Variants in MCHR2 observed in about 807,000 individuals in gnomAD.
The protein encoded by MCHR2 is melanin concentrating hormone receptor 2.
A neutral mutation model predicts 24.8 loss-of-function variants in MCHR2; 15 were observed. That is an observed-to-expected ratio of 0.60 (90% CI 0.40 to 0.93). The LOEUF is 0.93. MCHR2 is among the 40% of genes least tolerant of loss of function. The pLI is 0.00. For missense variants in MCHR2, 386 were observed against 408.7 expected, an observed-to-expected ratio of 0.94 and a Z score of 0.48; for synonymous variants, 151 against 147.6, an observed-to-expected ratio of 1.02 and a Z score of -0.17.
chr6:99,937,266 G>A (rs538393718), intron 4 of MCHR2, among the ~76,000 whole-genome samples: 7 of 151,918 alleles, frequency 4.6e-5, no homozygotes, highest in African/African-American at 1.7e-4. Context: ...GGTGAAAGTG[G>A]GTATACTTGT....
At chr6:99,969,926 G>A (rs1775369695) in intron 1 of MCHR2, among the ~76,000 whole-genome samples, 1 of 148,066 alleles carries the variant, frequency 6.8e-6, no homozygotes, top group Non-Finnish European at 1.5e-5. Context: ...ATTCCATGGT[G>A]TATATGTGCC....
At chr6:99,953,742 A>T (rs974078245) in intron 2 of MCHR2, among the ~76,000 whole-genome samples, 1 of 151,798 alleles carries the variant, frequency 6.6e-6, no homozygotes, top group Non-Finnish European at 1.5e-5. Context: ...TGCAATAGGT[A>T]TTTACTAATA....
At chr6:99,943,221 A>G in intron 3 of MCHR2, 78 bp from the exon 4 acceptor site, 1 of 1,149,346 alleles carries the variant, frequency 8.7e-7, no homozygotes. Context: ...TCATGATGAG[A>G]GTAAATTCTT....
intron 1 of MCHR2, among the ~76,000 whole-genome samples, chr6:99,962,154 C>T (rs1415499116): frequency 6.6e-6 from 1 of 152,120 alleles, no homozygotes; most frequent in African/African-American, 2.4e-5. Flanking sequence ...ATAAGGGTTA[C>T]TTGAACACAA....
At chr6:99,990,406 C>A in intron 1 of MCHR2, among the ~76,000 whole-genome samples, 1 of 152,102 alleles carries the variant, frequency 6.6e-6, no homozygotes, top group East Asian at 1.9e-4. Context: ...TGTGTGTATT[C>A]ATTTACCCTG....
chr6:99,957,320 A>AT (rs1170005226), intron 1 of MCHR2, among the ~76,000 whole-genome samples: 2 of 152,068 alleles, frequency 1.3e-5, no homozygotes, highest in East Asian at 3.9e-4. Flanking sequence ...TTCAGCAAGC[A>AT]TTTTTTATCA....
intron 4 of MCHR2, among the ~76,000 whole-genome samples, chr6:99,941,947 G>A (rs1171057150): frequency 6.6e-6 from 1 of 152,042 alleles, no homozygotes; most frequent in Non-Finnish European, 1.5e-5. Context: ...TTTGACAAGT[G>A]ATGGAGTAAG....
At chr6:99,960,287 G>T (rs1775156509) in intron 1 of MCHR2, among the ~76,000 whole-genome samples, 1 of 151,726 alleles carries the variant, frequency 6.6e-6, no homozygotes, top group Non-Finnish European at 1.5e-5. Flanking sequence ...GATAACAAAA[G>T]CTCTTCAAGG....
At chr6:99,978,112 C>T (rs78718248) in intron 1 of MCHR2, among the ~76,000 whole-genome samples, 247 of 152,304 alleles carry the variant, frequency 1.6e-3, no homozygotes, top group African/African-American at 5.7e-3. Context: ...ATGGGCCTCT[C>T]TGGCAGGGCC....
At chr6:99,971,030 G>A (rs535087776) in intron 1 of MCHR2, among the ~76,000 whole-genome samples, 1 of 152,162 alleles carries the variant, frequency 6.6e-6, no homozygotes, top group Non-Finnish European at 1.5e-5. Context: ...GCTTAGGATT[G>A]ACTTGGTGAT....
At chr6:99,943,362 T>C (rs1774814480) in intron 3 of MCHR2, among the ~76,000 whole-genome samples, 1 of 151,324 alleles carries the variant, frequency 6.6e-6, no homozygotes, top group African/African-American at 2.4e-5. Flanking sequence ...TACTTTAAGT[T>C]TTAGGGTACA....
At chr6:99,951,262 C>G (rs748065247) in intron 2 of MCHR2, among the ~76,000 whole-genome samples, 1 of 152,088 alleles carries the variant, frequency 6.6e-6, no homozygotes, top group Non-Finnish European at 1.5e-5. Context: ...TATCATGAGC[C>G]TATGCCAATG....
intron 1 of MCHR2, among the ~76,000 whole-genome samples, chr6:99,976,657 ACCT>A (rs1775557718): frequency 1.7e-5 from 1 of 59,506 alleles, no homozygotes; most frequent in African/African-American, 4.4e-5. Flanking sequence ...CTCCCCAGCT[ACCT>A]CATGTTTGCC....
intron 1 of MCHR2, among the ~76,000 whole-genome samples, chr6:99,993,047 G>C (rs1214462722): frequency 6.6e-6 from 1 of 152,184 alleles, no homozygotes; most frequent in East Asian, 1.9e-4. Flanking sequence ...TAAGTTCTAT[G>C]AAATTAGAAC....
At chr6:99,925,869 A>T (rs1235947656) in intron 5 of MCHR2, among the ~76,000 whole-genome samples, 4 of 150,822 alleles carry the variant, frequency 2.7e-5, no homozygotes, top group African/African-American at 7.3e-5. Context: ...GTTTTAGGGT[A>T]CATGTGCACA....
At chr6:99,923,149 T>C (rs990569748) in intron 5 of MCHR2, among the ~76,000 whole-genome samples, 4 of 152,132 alleles carry the variant, frequency 2.6e-5, no homozygotes, top group Admixed American at 2.0e-4. Context: ...TTTGTGGCTA[T>C]TATCAATGGG....
chr6:99,934,557 A>C (rs1428817876), intron 4 of MCHR2, 40 bp from the exon 5 acceptor site: 3 of 1,503,366 alleles, frequency 2.0e-6, no homozygotes, highest in Admixed American at 2.3e-5. Context: ...AGAAAGAACA[A>C]CACCATTACA....
intron 5 of MCHR2, among the ~76,000 whole-genome samples, chr6:99,924,517 A>G (rs961713193): frequency 6.6e-6 from 1 of 151,678 alleles, no homozygotes; most frequent in African/African-American, 2.4e-5. Context: ...GACATTTTTC[A>G]TCTTTTTGAT....
At chr6:99,948,428 A>G (rs926798705) in intron 2 of MCHR2, among the ~76,000 whole-genome samples, 10 of 152,140 alleles carry the variant, frequency 6.6e-5, no homozygotes, top group African/African-American at 1.9e-4. Context: ...GTGGAGAGGA[A>G]TTGGTTAACA....
Sources: gnomAD v4.1 joint callset for allele counts (sites outside exome capture counted in the v4.1 genomes callset) on GRCh38, gnomAD v4.1.1 for gene constraint, MANE v1.5 for transcripts, NCBI Gene and HGNC (gene_info 2026-07-23, HGNC 2026-07-21) for gene names.